Variants in FRMPD1 observed in about 807,000 individuals in gnomAD.
FRMPD1 encodes the protein FERM and PDZ domain containing 1, also known as FERM and PDZ domain-containing protein 1.
FRMPD1 carries 76 observed loss-of-function variants against 117.8 expected under a neutral mutation model. The observed-to-expected ratio is 0.65, with a 90% CI of 0.54 to 0.78. The LOEUF is 0.78. FRMPD1 is among the 30% of genes least tolerant of loss of function. The probability of loss-of-function intolerance (pLI) is 0.00; values close to 1 mark genes in which losing one functional copy is unlikely to be tolerated. For missense variants in FRMPD1, 1,786 were observed against 1,964.5 expected, an observed-to-expected ratio of 0.91 and a Z score of 1.72; for synonymous variants, 783 against 770.4, an observed-to-expected ratio of 1.02 and a Z score of -0.27.
chr9:37,669,190 C>T lies in FRMPD1; in HGVS notation c.-5+18096C>T, dbSNP rs146062929. ...GTGAGAAGGGGAAAAAAATCACTAC[C>T]TAATTTAACTTTTCCGTATGTCTTA... On this transcript the variant is annotated intron_variant, in intron 1 of 15. Transcript: ENST00000377765. Among the ~76,000 whole-genome samples, 23 of 152,266 alleles carry T rather than the reference C, an allele frequency of 1.5e-4. No homozygotes were observed. In the East Asian group the frequency reaches 4.0e-3, roughly 27 times the overall value.
chr9:37,738,151 T>TA (rs1824220421), intron 14 of FRMPD1, among the ~76,000 whole-genome samples: 1 of 152,156 alleles, frequency 6.6e-6, no homozygotes. Flanking sequence ...TCACGATGGG[T>TA]AATTTCAGGC....
chr9:37,746,341 G>T lies in FRMPD1; in HGVS notation c.4309G>T (p.Glu1437Ter), dbSNP rs766220774. 1 of 1,612,644 alleles carries T rather than the reference G, an allele frequency of 6.2e-7. No homozygotes were observed. The highest frequency in any genetic ancestry group is 8.5e-7 in the Non-Finnish European group (1 of 1,179,746). The change falls in exon 16 of 16, where the codon GAA (glutamate) becomes TAA (stop). Residue 1437 changes from glutamate to a stop codon, truncating the protein, a stop_gained. Coordinates refer to ENST00000377765, the MANE Select transcript of FRMPD1 (RefSeq NM_014907.3). LOFTEE classifies it high-confidence loss of function. Reference protein sequence around the residue: ...ESLLELQDILETSWGVGNKHP... With the variant: ...ESLLELQDIL ...CTTGCTGGAGCTACAAGACATTTTA[G>T]AAACTTCCTGGGGGGTTGGAAACAA... is the stretch of plus-strand genomic sequence containing the variant.
chr9:37,626,086 A>G, the FRMPD1 span, among the ~76,000 whole-genome samples: 1 of 152,016 alleles, frequency 6.6e-6, no homozygotes, highest in Non-Finnish European at 1.5e-5. Context: ...CAGCACTTTA[A>G]GAGCCTGAGG....
chr9:37,652,857 G>T (rs770351660), intron 1 of FRMPD1, among the ~76,000 whole-genome samples: 69 of 152,320 alleles, frequency 4.5e-4, no homozygotes, highest in Non-Finnish European at 7.6e-4. Context: ...CTTCATTGTG[G>T]GCTTTATCGC....
intron 1 of FRMPD1, among the ~76,000 whole-genome samples, chr9:37,685,409 C>T (rs866986530): frequency 4.6e-5 from 7 of 151,688 alleles, no homozygotes; most frequent in South Asian, 2.1e-4. Flanking sequence ...TTTGGGAGGC[C>T]AAGGCGGGCG....
intron 5 of FRMPD1, among the ~76,000 whole-genome samples, chr9:37,717,302 AATAT>A (rs202042365): frequency 6.9e-6 from 1 of 144,770 alleles, no homozygotes; most frequent in Non-Finnish European, 1.5e-5. Flanking sequence ...AGAAAAAAAA[AATAT>A]ATATATATGT....
At chr9:37,638,088 T>G in the FRMPD1 span, among the ~76,000 whole-genome samples, 1 of 151,014 alleles carries the variant, frequency 6.6e-6, no homozygotes. Flanking sequence ...TTTTCTTTTC[T>G]TTCGAGACGG....
At chr9:37,610,784 GCAGAGATGGGGTTTCTC>G in the FRMPD1 span, among the ~76,000 whole-genome samples, 2 of 151,780 alleles carry the variant, frequency 1.3e-5, no homozygotes, top group Non-Finnish European at 2.9e-5. Context: ...TTTTCTTTTA[GCAGAGATGGGGTTTCTC>G]CATGTTGTTA....
At chr9:37,649,959 C>T (rs1267010288), upstream of FRMPD1, among the ~76,000 whole-genome samples, 1 of 152,196 alleles carries the variant, frequency 6.6e-6, no homozygotes, top group Non-Finnish European at 1.5e-5. Context: ...ACTGGCCTTT[C>T]AGGTTTCCAT....
chr9:37,738,548 A>G (rs563945672), intron 14 of FRMPD1, among the ~76,000 whole-genome samples: 1 of 152,318 alleles, frequency 6.6e-6, no homozygotes, highest in East Asian at 1.9e-4. Flanking sequence ...CATGTTGGTC[A>G]GACTGGTCTC....
At chr9:37,699,402 T>G (rs1258138714) in intron 2 of FRMPD1, among the ~76,000 whole-genome samples, 1 of 150,512 alleles carries the variant, frequency 6.6e-6, no homozygotes, top group African/African-American at 2.4e-5. Flanking sequence ...TCACTGCAAC[T>G]GGCACCTCCC....
chr9:37,647,776 T>A (rs1195094047), upstream of FRMPD1, among the ~76,000 whole-genome samples: 4 of 152,206 alleles, frequency 2.6e-5, no homozygotes, highest in African/African-American at 9.6e-5. Flanking sequence ...AAGCAAGGAC[T>A]GGGAAGAGTT....
At position 37,745,031 on chromosome 9, in the gene FRMPD1, C is replaced by A. The variant is rs1268281650; in HGVS notation, c.2999C>A (p.Ala1000Asp). The change falls in exon 16 of 16, where the codon GCC (alanine) becomes GAC (aspartate). Residue 1000 changes from alanine (A) to aspartate (D), a missense_variant. By Grantham distance (126) the Ala-to-Asp change is moderately radical (BLOSUM62 -2). Coordinates refer to ENST00000377765, the MANE Select transcript of FRMPD1 (RefSeq NM_014907.3). ...LPLSQDLDGI[A>D]PKEPTIEHGD... ...CTATCTCAAGACCTGGATGGGATTGCCCCCAAAGAACCAACCATAGAGCAT... is the reference window on the plus strand; with the variant it reads ...CTATCTCAAGACCTGGATGGGATTGACCCCAAAGAACCAACCATAGAGCAT... The A allele has an allele frequency of 6.2e-7, 1 of 1,614,106 alleles. No individual in the cohort carries two copies. The highest frequency in any genetic ancestry group is 8.5e-7 in the Non-Finnish European group (1 of 1,180,004).
chr9:37,701,724 T>G (rs1055470218), intron 2 of FRMPD1, among the ~76,000 whole-genome samples: 1 of 152,114 alleles, frequency 6.6e-6, no homozygotes, highest in Admixed American at 6.5e-5. Flanking sequence ...GATTTTGGAT[T>G]ATGCCATTCA....
intron 7 of FRMPD1, among the ~76,000 whole-genome samples, chr9:37,727,681 C>T (rs371299300): frequency 1.3e-5 from 2 of 151,314 alleles, no homozygotes; most frequent in African/African-American, 4.8e-5. Flanking sequence ...CAAATGGACC[C>T]TTCAGGACTA....
At chr9:37,731,203 G>A in intron 9 of FRMPD1, 100 bp downstream of exon 9, 1 of 1,022,340 alleles carries the variant, frequency 9.8e-7, no homozygotes, top group Admixed American at 1.8e-5. Flanking sequence ...ACAACTCCCT[G>A]GTAGGGATTC....
chr9:37,725,479 A>G (rs1288703226), intron 7 of FRMPD1, among the ~76,000 whole-genome samples: 1 of 152,236 alleles, frequency 6.6e-6, no homozygotes, highest in Admixed American at 6.5e-5. Flanking sequence ...TGTACAATGT[A>G]CATACACCTG....
At chr9:37,642,277 T>C in the FRMPD1 span, among the ~76,000 whole-genome samples, 1 of 152,200 alleles carries the variant, frequency 6.6e-6, no homozygotes, top group Non-Finnish European at 1.5e-5. Flanking sequence ...TGTTGGAGTT[T>C]TTGTGTTAGT....
At chr9:37,699,076 TG>T (rs1822438641) in intron 2 of FRMPD1, among the ~76,000 whole-genome samples, 1 of 152,118 alleles carries the variant, frequency 6.6e-6, no homozygotes, top group Non-Finnish European at 1.5e-5. Flanking sequence ...TGTTTCATGT[TG>T]GCCAGGCTGG....
Sources: gnomAD v4.1 joint callset for allele counts (sites outside exome capture counted in the v4.1 genomes callset) on GRCh38, gnomAD v4.1.1 for gene constraint, MANE v1.5 for transcripts, NCBI Gene and HGNC (gene_info 2026-07-23, HGNC 2026-07-21) for gene names.